The following MAF variants were observed in gnomAD, a reference collection of about 807,000 sequenced individuals.
MAF encodes transcription factor Maf.
Under a neutral mutation model 22.0 loss-of-function variants are expected in MAF, and 10 were observed. The observed-to-expected ratio is 0.45, with a 90% CI of 0.28 to 0.77. The LOEUF is 0.77. MAF is among the 30% of genes least tolerant of loss of function. MAF has a pLI of 0.12. For missense variants in MAF, 544 were observed against 548.4 expected (o/e 0.99, Z 0.08); for synonymous variants, 337 against 255.8 (o/e 1.32, Z -3.03).
chr16:79,228,296 C>T, the MAF span, among the ~76,000 whole-genome samples: 1 of 152,022 alleles, frequency 6.6e-6, no homozygotes, highest in Non-Finnish European at 1.5e-5. Context: ...ACAAGGAAAG[C>T]GTGAATACCT....
chr16:79,340,862 C>T, the MAF span, among the ~76,000 whole-genome samples: 5 of 152,276 alleles, frequency 3.3e-5, no homozygotes, highest in East Asian at 9.7e-4. Flanking sequence ...AACTACTATT[C>T]AACCATTAGG....
the MAF span, among the ~76,000 whole-genome samples, chr16:79,537,705 C>G: frequency 2.0e-5 from 3 of 152,174 alleles, no homozygotes; most frequent in African/African-American, 4.8e-5. Context: ...AGATCCACCA[C>G]CTTGAAATGT....
the MAF span, chr16:79,211,618 C>A: frequency 6.2e-7 from 1 of 1,614,198 alleles, no homozygotes; most frequent in Non-Finnish European, 8.5e-7. Flanking sequence ...CAACAGGGAG[C>A]TGCCACCACC....
the MAF span, among the ~76,000 whole-genome samples, chr16:79,488,140 A>T: frequency 1.3e-5 from 2 of 152,340 alleles, no homozygotes; most frequent in South Asian, 2.1e-4. Context: ...CGGATAACTC[A>T]TCCTGCTCAT....
At chr16:79,258,181 G>C in the MAF span, among the ~76,000 whole-genome samples, 1 of 152,198 alleles carries the variant, frequency 6.6e-6, no homozygotes, top group Admixed American at 6.5e-5. Context: ...AGACGCCTCT[G>C]GGGTGTGTGG....
chr16:79,468,208 G>T, the MAF span, among the ~76,000 whole-genome samples: 1 of 152,162 alleles, frequency 6.6e-6, no homozygotes, highest in Non-Finnish European at 1.5e-5. Context: ...AGGTACAGGT[G>T]AAATGGGGTG....
chr16:79,276,561 G>T, the MAF span, among the ~76,000 whole-genome samples: 1 of 152,194 alleles, frequency 6.6e-6, no homozygotes, highest in African/African-American at 2.4e-5. Context: ...AAACCAGGCT[G>T]AGATGGGTAT....
chr16:79,497,804 C>T, the MAF span, among the ~76,000 whole-genome samples: 1 of 152,180 alleles, frequency 6.6e-6, no homozygotes, highest in African/African-American at 2.4e-5. Flanking sequence ...GAATTTTTCC[C>T]AGCAAATGAG....
At chr16:79,496,289 G>C in the MAF span, among the ~76,000 whole-genome samples, 1,910 of 152,250 alleles carry the variant, frequency 0.013, 44 homozygotes, top group African/African-American at 0.044. Flanking sequence ...TTTTGGAAAA[G>C]GGTCATTTCG....
At chr16:79,471,566 G>T in the MAF span, among the ~76,000 whole-genome samples, 1 of 152,128 alleles carries the variant, frequency 6.6e-6, no homozygotes, top group Non-Finnish European at 1.5e-5. Context: ...AGTTCCAGGT[G>T]CTAGGGCGGC....
At chr16:79,514,108 T>C in the MAF span, among the ~76,000 whole-genome samples, 1 of 152,248 alleles carries the variant, frequency 6.6e-6, no homozygotes, top group Non-Finnish European at 1.5e-5. Flanking sequence ...TGTTTTCAGA[T>C]AAATCACAGT....
At chr16:79,550,880 C>T in the MAF span, among the ~76,000 whole-genome samples, 11 of 152,122 alleles carry the variant, frequency 7.2e-5, no homozygotes, top group South Asian at 2.1e-4. Context: ...AGATGGCTCA[C>T]GAAATACCTC....
chr16:79,331,673 C>A, the MAF span, among the ~76,000 whole-genome samples: 1 of 152,184 alleles, frequency 6.6e-6, no homozygotes, highest in African/African-American at 2.4e-5. Flanking sequence ...TCAGGCACAG[C>A]ATGGGTCTCC....
chr16:79,477,434 C>A, the MAF span, among the ~76,000 whole-genome samples: 3 of 152,108 alleles, frequency 2.0e-5, no homozygotes, highest in African/African-American at 7.2e-5. Flanking sequence ...GGCTGTCTTG[C>A]GTAGGAAACA....
the MAF span, among the ~76,000 whole-genome samples, chr16:79,222,513 A>AT: frequency 6.6e-6 from 1 of 151,912 alleles, no homozygotes; most frequent in African/African-American, 2.4e-5. Context: ...TATAATAATA[A>AT]AAAAAAGAAA....
the MAF span, among the ~76,000 whole-genome samples, chr16:79,349,794 C>G: frequency 1.3e-5 from 2 of 152,220 alleles, no homozygotes; most frequent in African/African-American, 4.8e-5. Flanking sequence ...AGATTGAAAA[C>G]CTAACTGCTT....
the MAF span, among the ~76,000 whole-genome samples, chr16:79,431,050 G>A: frequency 6.6e-6 from 1 of 152,046 alleles, no homozygotes; most frequent in Non-Finnish European, 1.5e-5. Flanking sequence ...ACATCCTGGG[G>A]ACCTGCAGAT....
the MAF span, among the ~76,000 whole-genome samples, chr16:79,292,456 C>T: frequency 6.6e-6 from 1 of 152,302 alleles, no homozygotes; most frequent in South Asian, 2.1e-4. Context: ...AACTTCTGGC[C>T]TCTAGAACTG....
chr16:79,244,055 G>T, the MAF span, among the ~76,000 whole-genome samples: 2 of 151,994 alleles, frequency 1.3e-5, no homozygotes, highest in African/African-American at 4.8e-5. Context: ...AGGTATTGAT[G>T]GAACGTATCT....
Sources: allele counts gnomAD v4.1 joint callset (sites outside exome capture counted in the v4.1 genomes callset), GRCh38; gene constraint gnomAD v4.1.1; transcripts MANE v1.5; gene names NCBI Gene and HGNC (gene_info 2026-07-23, HGNC 2026-07-21).